Variants in ZBTB32 observed in about 807,000 individuals in gnomAD.
The protein encoded by ZBTB32 is zinc finger and BTB domain containing 32.
Under a neutral mutation model 45.3 loss-of-function variants are expected in ZBTB32, and 28 were observed. The ratio of observed to expected loss-of-function variants is 0.62; its 90% confidence interval spans 0.46 to 0.85. The LOEUF is 0.85. Ranked by LOEUF, ZBTB32 falls within the 40% of genes least tolerant of loss-of-function variation. The probability of loss-of-function intolerance (pLI) is 0.00; values close to 1 mark genes in which losing one functional copy is unlikely to be tolerated. For missense variants in ZBTB32, 587 were observed against 624.4 expected (o/e 0.94, Z 0.64); for synonymous variants, 283 against 255.7 (o/e 1.11, Z -1.02).
chr19:35,715,866 T>C, intron 4 of ZBTB32, 36 bp downstream of exon 4: 13 of 1,610,822 alleles, frequency 8.1e-6, no homozygotes, highest in Non-Finnish European at 1.0e-5. Flanking sequence ...ACCTGTAACA[T>C]GGTGTCTTCT....
At chr19:35,711,628 G>A (rs965775702) in intron 1 of ZBTB32, among the ~76,000 whole-genome samples, 1 of 152,162 alleles carries the variant, frequency 6.6e-6, no homozygotes, top group African/African-American at 2.4e-5. Context: ...TGGAAAGAGA[G>A]AGTGGGAGGC....
chr19:35,716,230 G>C lies in ZBTB32; in HGVS notation c.1122G>C (p.Ala374=), dbSNP rs1011700160. ...CTCCTGCTCGGTCTCGGCCCTATGC[G>C]TGCTCTGTCTGTGGAAAGAGGTTTT... ...PAPPARSRPY[A]CSVCGKRFSL... is the part of the protein sequence containing the mutation. The change falls in exon 6 of 7, where the codon GCG becomes GCC. Residue 374 remains alanine (A), a synonymous_variant. Transcript: ENST00000392197. 2 of 1,613,752 alleles carry C rather than the reference G, an allele frequency of 1.2e-6. No individual in the cohort carries two copies. Among genetic ancestry groups the C allele is most frequent in the African/African-American group, 2.7e-5 (2 of 74,888 alleles).
Position 35,715,082 on chromosome 19 carries a change from A to G in ZBTB32, c.456A>G (p.Glu152=), listed in dbSNP as rs2146419095. 1 of 1,614,004 alleles carries G rather than the reference A, an allele frequency of 6.2e-7. No individual in the cohort carries two copies. Among genetic ancestry groups the G allele is most frequent in the Non-Finnish European group, 8.5e-7 (1 of 1,180,002 alleles). ...ACCCTGGAGAGAAGCAGAAACCAGA[A>G]CAGGTTTCTAGAACTGGTGGGAGAG... ...LGDPGEKQKP[E]QVSRTGGREQ... The change falls in exon 3 of 7, where the codon GAA becomes GAG. Residue 152 remains glutamate (E), a synonymous_variant. Transcript: ENST00000392197.
Position 35,716,945 on chromosome 19 carries a change from T to A in ZBTB32, c.*193T>A. The A allele has an allele frequency of 1.6e-6, 1 of 625,748 alleles. No individual in the cohort carries two copies. Among genetic ancestry groups the A allele is most frequent in the Non-Finnish European group, 2.8e-6 (1 of 360,170 alleles). The allele number at this position is 625,748 out of a possible 1,614,324, so 38.8% of individuals were successfully genotyped here. On this transcript the variant is annotated 3_prime_UTR_variant, in exon 7 of 7. Coordinates refer to ENST00000392197, the MANE Select transcript of ZBTB32 (RefSeq NM_014383.3). The stretch of plus-strand genomic sequence containing the variant: ...GCCCAGGCCAGCGAGCCCTACAGAG[T>A]GAGGACACTGAAGTGTGCAGGAGCG...
At chr19:35,709,891 AT>A (rs1968644332) in intron 1 of ZBTB32, among the ~76,000 whole-genome samples, 1 of 151,098 alleles carries the variant, frequency 6.6e-6, no homozygotes, top group Non-Finnish European at 1.5e-5. Context: ...AAAAAAAAAA[AT>A]CAGATTTCAA....
At chr19:35,714,448 C>CT in intron 2 of ZBTB32, 75 bp from the exon 3 acceptor site, 1 of 591,908 alleles carries the variant, frequency 1.7e-6, no homozygotes, top group East Asian at 3.1e-5. Context: ...TCTTGGGTTA[C>CT]TTTATTTGCT....
chr19:35,715,857 C>A, intron 4 of ZBTB32, 27 bp downstream of exon 4: 1 of 1,612,148 alleles, frequency 6.2e-7, no homozygotes, highest in Non-Finnish European at 8.5e-7. Context: ...CCTGCATACA[C>A]CTGTAACATG....
At chr19:35,707,558 C>T (rs547205311) in intron 1 of ZBTB32, among the ~76,000 whole-genome samples, 2 of 151,784 alleles carry the variant, frequency 1.3e-5, no homozygotes, top group Non-Finnish European at 2.9e-5. Flanking sequence ...TTAGTAGAGA[C>T]GGCATTTCAC....
Position 35,714,537 on chromosome 19 carries a change from G to A in ZBTB32, c.-90G>A. On this transcript the variant is annotated 5_prime_UTR_variant, in exon 3 of 7. An upstream start codon of the reference 5' UTR is lost. Transcript: ENST00000392197. ...CACATCCACAGGCTTGAAATGAGAT[G>A]AGATGTTCCTCCCTCCCCTTTCAAC... The A allele has an allele frequency of 1.5e-6, 2 of 1,359,720 alleles. No homozygotes were observed. Among genetic ancestry groups the A allele is most frequent in the Non-Finnish European group, 2.0e-6 (2 of 1,020,096 alleles). 84.2% of individuals were successfully genotyped at this position (1,359,720 alleles called of 1,614,324 possible). A position where few individuals can be genotyped will look rare whatever the true frequency, so the allele number is the denominator to read the frequency against.
At position 35,715,936 on chromosome 19, in the gene ZBTB32, C is replaced by T; in HGVS notation, c.956-3C>T. 4 of 1,613,288 alleles carry T rather than the reference C, an allele frequency of 2.5e-6. No individual in the cohort carries two copies. Among genetic ancestry groups the T allele is most frequent in the Non-Finnish European group, 3.4e-6 (4 of 1,179,666 alleles). ...GGCCCCTACCTCCCACTGTTCCTTC[C>T]AGGTTCCCTCCCCCAGGGCCCCGCA... On this transcript the variant is annotated splice_polypyrimidine_tract_variant and splice_region_variant and intron_variant, in intron 4 of 6. Coordinates refer to ENST00000392197, the MANE Select transcript of ZBTB32 (RefSeq NM_014383.3).
chr19:35,712,610 C>T (rs188786889), intron 1 of ZBTB32, among the ~76,000 whole-genome samples: 10 of 152,278 alleles, frequency 6.6e-5, no homozygotes, highest in African/African-American at 1.9e-4. Context: ...GGGAAACCTC[C>T]GGGGACCTTG....
intron 1 of ZBTB32, 55 bp downstream of exon 1, chr19:35,704,678 C>G (rs1968495556): frequency 6.6e-6 from 1 of 152,388 alleles, no homozygotes; most frequent in South Asian, 2.1e-4. Flanking sequence ...CCGGCCCAGG[C>G]AAATCTGGGG....
rs758129693 is a variant in ZBTB32, at chr19:35,716,494, C to T, written c.1206C>T (p.Ser402=). The T allele has an allele frequency of 3.1e-6, 5 of 1,608,854 alleles. No individual in the cohort carries two copies. Among genetic ancestry groups the T allele is most frequent in the Non-Finnish European group, 4.2e-6 (5 of 1,176,596 alleles). The stretch of plus-strand genomic sequence containing the variant: ...CCGCTCTAGGAGAGAAGCCCTTCTC[C>T]TGTAGCCTTTGTCCTCAGCGCTCCC... ...YRVHTGEKPF[S]CSLCPQRSRD... The change falls in exon 7 of 7, where the codon TCC becomes TCT. Residue 402 remains serine, a synonymous_variant. Coordinates refer to ENST00000392197, the MANE Select transcript of ZBTB32 (RefSeq NM_014383.3).
chr19:35,716,905 T>C lies in ZBTB32; in HGVS notation c.*153T>C. ...GCGCCGAGTGCCCTCTCCTGGACGA[T>C]CGCGGGTCGCAGAAGCCCAGGCCAG... On this transcript the variant is annotated 3_prime_UTR_variant, in exon 7 of 7. Transcript: ENST00000392197. 1 of 875,796 alleles carries C rather than the reference T, an allele frequency of 1.1e-6. No individual in the cohort carries two copies. The allele number at this position is 875,796 out of a possible 1,614,324, so 54.3% of individuals were successfully genotyped here.
At chr19:35,706,594 C>A (rs1231133126) in intron 1 of ZBTB32, among the ~76,000 whole-genome samples, 1 of 152,040 alleles carries the variant, frequency 6.6e-6, no homozygotes, top group Non-Finnish European at 1.5e-5. Flanking sequence ...ATGGTAGATG[C>A]CTGTAATCCC....
intron 1 of ZBTB32, among the ~76,000 whole-genome samples, chr19:35,708,218 T>C (rs1158228563): frequency 1.3e-5 from 2 of 152,130 alleles, no homozygotes; most frequent in African/African-American, 4.8e-5. Context: ...AATCAGGGTC[T>C]AGCGTGTGTG....
In ZBTB32 at chr19:35,716,833, T is replaced by G; in HGVS notation, c.*81T>G. 5 of 1,501,872 alleles carry G rather than the reference T, an allele frequency of 3.3e-6. No homozygotes were observed. Among genetic ancestry groups the G allele is most frequent in the Non-Finnish European group, 4.5e-6 (5 of 1,116,832 alleles). The allele number at this position is 1,501,872 out of a possible 1,614,324, so 93.0% of individuals were successfully genotyped here. On this transcript the variant is annotated 3_prime_UTR_variant, in exon 7 of 7. Coordinates refer to ENST00000392197, the MANE Select transcript of ZBTB32 (RefSeq NM_014383.3). ...GGCTCGGCTTCTGACCTGGCACCGCTGCTACGGCGGCCTAGCAAATTCCGC... is the reference window on the plus strand; with the variant it reads ...GGCTCGGCTTCTGACCTGGCACCGCGGCTACGGCGGCCTAGCAAATTCCGC...
intron 1 of ZBTB32, among the ~76,000 whole-genome samples, chr19:35,711,071 T>C (rs536493790): frequency 8.5e-4 from 129 of 152,264 alleles, no homozygotes; most frequent in African/African-American, 3.0e-3. Context: ...ATGCTCCCTG[T>C]CAACTATATT....
rs1048150646 is a variant in ZBTB32, at chr19:35,711,028, C to T, written c.-221-1889C>T. On this transcript the variant is annotated intron_variant, in intron 1 of 6. Transcript: ENST00000392197. ...CACTGAAAGGGGAGTTCCCTTGCCC[C>T]TCCTCCCTTTTAGGTTCCCCGAAAG... Among the ~76,000 whole-genome samples, 11 of 152,290 alleles carry T rather than the reference C, an allele frequency of 7.2e-5. No homozygotes were observed. The South Asian group carries it at 8.3e-4, about 11-fold the overall frequency.
Sources: allele counts gnomAD v4.1 joint callset (sites outside exome capture counted in the v4.1 genomes callset), GRCh38; gene constraint gnomAD v4.1.1; transcripts MANE v1.5; gene names NCBI Gene and HGNC (gene_info 2026-07-23, HGNC 2026-07-21).